The following NLGN4Y variants were observed in gnomAD, a reference collection of about 807,000 sequenced individuals.
The protein encoded by NLGN4Y is neuroligin-4, Y-linked.
In NLGN4Y, 4 loss-of-function variants were observed where a neutral mutation model predicts 8.4. The ratio of observed to expected loss-of-function variants is 0.48; its 90% CI spans 0.23 to 1.09. The LOEUF is 1.09. Ranked by LOEUF, NLGN4Y falls within the 50% of genes least tolerant of loss-of-function variation. NLGN4Y has a pLI of 0.19. For synonymous variants in NLGN4Y, 35 were observed against 75.6 expected, an observed-to-expected ratio of 0.46 and a Z score of 2.78; for missense variants, 90 against 192.3, an observed-to-expected ratio of 0.47 and a Z score of 3.15.
At chrY:14,573,622 T>C in intron 1 of NLGN4Y, among the ~76,000 whole-genome samples, 2 of 33,583 alleles carry the variant, frequency 6.0e-5, no homozygotes, top group Non-Finnish European at 1.5e-4. Flanking sequence ...TCTTAGTTAT[T>C]TCTTGCCTTC....
At chrY:14,573,663 T>G (rs749895243) in intron 1 of NLGN4Y, among the ~76,000 whole-genome samples, 8 of 33,387 alleles carry the variant, frequency 2.4e-4, no homozygotes, top group Admixed American at 2.2e-3. Context: ...TGCTCTTGCT[T>G]TTGTAGTTCT....
chrY:14,685,373 G>T (rs2080785719), intron 2 of NLGN4Y, among the ~76,000 whole-genome samples: 1 of 33,141 alleles, frequency 3.0e-5, no homozygotes, highest in Non-Finnish European at 7.5e-5. Context: ...AGACCTTCAC[G>T]CTTGTCTTAT....
chrY:14,799,253 A>C (rs918584202), intron 4 of NLGN4Y, among the ~76,000 whole-genome samples: 2 of 33,729 alleles, frequency 5.9e-5, no homozygotes, highest in Non-Finnish European at 1.5e-4. Context: ...ACAAGAGTGA[A>C]CCTAAGACTT....
At chrY:14,682,416 G>T (rs747997032) in intron 2 of NLGN4Y, among the ~76,000 whole-genome samples, 1 of 33,534 alleles carries the variant, frequency 3.0e-5, no homozygotes, top group African/African-American at 1.2e-4. Flanking sequence ...CTCAGGCTGG[G>T]GTTGAAGTAG....
chrY:14,804,360 A>G, intron 4 of NLGN4Y, among the ~76,000 whole-genome samples: 1 of 32,940 alleles, frequency 3.0e-5, no homozygotes, highest in African/African-American at 1.2e-4. Context: ...CCCTCTTAAC[A>G]TCTTGTGGCT....
intron 4 of NLGN4Y, among the ~76,000 whole-genome samples, chrY:14,763,693 T>C (rs2081087166): frequency 3.0e-5 from 1 of 33,749 alleles, no homozygotes; most frequent in African/African-American, 1.2e-4. Flanking sequence ...TGGTCATCCA[T>C]GGTCAGCAGA....
chrY:14,580,791 C>T, intron 1 of NLGN4Y, among the ~76,000 whole-genome samples: 1 of 22,506 alleles, frequency 4.4e-5, no homozygotes, highest in South Asian at 1.1e-3. Flanking sequence ...AATCCCAGAA[C>T]ATTGTACTGG....
intron 2 of NLGN4Y, among the ~76,000 whole-genome samples, chrY:14,705,338 A>G (rs1031463835): frequency 3.6e-4 from 12 of 33,478 alleles, no homozygotes; most frequent in Admixed American, 3.4e-3. Context: ...AAAATGCCTG[A>G]CAAAAATTCC....
intron 1 of NLGN4Y, among the ~76,000 whole-genome samples, chrY:14,577,927 G>A: frequency 3.0e-5 from 1 of 33,193 alleles, no homozygotes; most frequent in Non-Finnish European, 7.4e-5. Flanking sequence ...CCTTTGCAGG[G>A]ACATAGATGA....
At chrY:14,753,937 C>A in intron 4 of NLGN4Y, among the ~76,000 whole-genome samples, 1 of 33,056 alleles carries the variant, frequency 3.0e-5, no homozygotes, top group Middle Eastern at 0.014. Flanking sequence ...TGAGTTTTGG[C>A]AGCAAATTTG....
chrY:14,773,871 G>A (rs2081116119), intron 4 of NLGN4Y, among the ~76,000 whole-genome samples: 2 of 33,099 alleles, frequency 6.0e-5, no homozygotes, highest in African/African-American at 1.2e-4. Flanking sequence ...AGCCATATGC[G>A]GAAAACAGAA....
intron 4 of NLGN4Y, among the ~76,000 whole-genome samples, chrY:14,812,044 A>T: frequency 6.0e-5 from 2 of 33,595 alleles, no homozygotes; most frequent in Non-Finnish European, 1.5e-4. Flanking sequence ...TTTCACATCG[A>T]TGGGGAGGCC....
chrY:14,537,522 G>A, intron 1 of NLGN4Y, among the ~76,000 whole-genome samples: 1 of 33,730 alleles, frequency 3.0e-5, no homozygotes, highest in Non-Finnish European at 7.4e-5. Flanking sequence ...GATCCATCCA[G>A]GACATCCTTG....
At chrY:14,684,472 A>G (rs1603502687) in intron 2 of NLGN4Y, among the ~76,000 whole-genome samples, 1 of 33,088 alleles carries the variant, frequency 3.0e-5, no homozygotes, top group East Asian at 8.1e-4. Flanking sequence ...TCACGGTGGA[A>G]GGTGAAGAGG....
At chrY:14,550,721 T>G (rs2080189680) in intron 1 of NLGN4Y, among the ~76,000 whole-genome samples, 1 of 34,141 alleles carries the variant, frequency 2.9e-5, no homozygotes, top group Non-Finnish European at 7.3e-5. Flanking sequence ...TCTTTTTGAT[T>G]GTAGGGTTTC....
At chrY:14,795,164 T>C (rs2043001975) in intron 4 of NLGN4Y, among the ~76,000 whole-genome samples, 2 of 33,912 alleles carry the variant, frequency 5.9e-5, no homozygotes, top group Admixed American at 2.7e-4. Flanking sequence ...TATGAGCCAC[T>C]GCATCCAGCC....
chrY:14,559,055 G>T (rs2080218375), intron 1 of NLGN4Y, among the ~76,000 whole-genome samples: 1 of 33,114 alleles, frequency 3.0e-5, no homozygotes, highest in Non-Finnish European at 7.5e-5. Flanking sequence ...GGAGTGTCTG[G>T]GTTAAGAAAA....
intron 2 of NLGN4Y, among the ~76,000 whole-genome samples, chrY:14,667,499 TCAA>T (rs2080696612): frequency 3.0e-5 from 1 of 32,976 alleles, no homozygotes; most frequent in East Asian, 8.0e-4. Flanking sequence ...ATGAAAATTT[TCAA>T]CAACACTTTC....
chrY:14,602,056 C>A (rs2080429305), intron 1 of NLGN4Y, among the ~76,000 whole-genome samples: 1 of 33,632 alleles, frequency 3.0e-5, no homozygotes, highest in African/African-American at 1.2e-4. Context: ...GGCTCAAGTT[C>A]CCTGGCTGCT....
Sources: gnomAD v4.1 joint callset for allele counts (sites outside exome capture counted in the v4.1 genomes callset) on GRCh38, gnomAD v4.1.1 for gene constraint, MANE v1.5 for transcripts, NCBI Gene and HGNC (gene_info 2026-07-23, HGNC 2026-07-21) for gene names.